DTNA: variants seen among roughly 807,000 people sequenced by gnomAD.
DTNA encodes dystrophin-related protein 3.
DTNA carries 43 observed loss-of-function variants against 100.7 expected under a neutral mutation model. The ratio of observed to expected loss-of-function variants is 0.43; its 90% CI spans 0.33 to 0.55. The LOEUF (loss-of-function observed/expected upper bound fraction) is 0.55, where lower values mean the gene tolerates loss of function less well. Among genes scored for constraint, DTNA ranks in the 20% least tolerant of loss-of-function variants. The pLI is 0.04. For missense variants in DTNA, 798 were observed against 953.9 expected, an observed-to-expected ratio of 0.84 and a Z score of 2.15; for synonymous variants, 349 against 347.9, an observed-to-expected ratio of 1.00 and a Z score of -0.04.
At chr18:34,794,579 TG>T (rs1226010320) in intron 4 of DTNA, among the ~76,000 whole-genome samples, 2 of 152,072 alleles carry the variant, frequency 1.3e-5, no homozygotes, top group Non-Finnish European at 2.9e-5. Flanking sequence ...AAGCGTGAAG[TG>T]GGAGGATCTT....
intron 1 of DTNA, among the ~76,000 whole-genome samples, chr18:34,691,211 T>A (rs2079710983): frequency 1.3e-5 from 2 of 152,242 alleles, no homozygotes; most frequent in Admixed American, 1.3e-4. Context: ...AGAAATTACT[T>A]CTTTTCTGTA....
chr18:34,751,575 C>T (rs903704418), intron 1 of DTNA, among the ~76,000 whole-genome samples: 1 of 152,208 alleles, frequency 6.6e-6, no homozygotes, highest in African/African-American at 2.4e-5. Context: ...ACTGCCTGTT[C>T]CCAAATGCAC....
intron 1 of DTNA, among the ~76,000 whole-genome samples, chr18:34,660,467 A>G (rs1372005101): frequency 1.3e-5 from 2 of 151,878 alleles, no homozygotes; most frequent in African/African-American, 4.8e-5. Flanking sequence ...ACTCTAAATT[A>G]TATTTCTTTG....
rs9964737 is a variant in DTNA at position 34,859,446 on chromosome 18, A to G, written c.1646+1048A>G. Among the ~76,000 whole-genome samples the G allele has an allele frequency of 7.0e-3, 1,067 of 152,290 alleles. 17 individuals carry two copies. The highest frequency in any genetic ancestry group is 0.024 in the African/African-American group (1,017 of 41,552). ...GAGGTTTCCCATTAGTTATTTGGGT[A>G]CACCCTGTGTAAATGAGGACTTGGC... On this transcript the variant is annotated intron_variant, in intron 16 of 22. Transcript: ENST00000444659.
At chr18:34,554,769 T>C (rs1268569788) in intron 1 of DTNA, among the ~76,000 whole-genome samples, 7,176 of 118,242 alleles carry the variant, frequency 0.061, 173 homozygotes, top group African/African-American at 0.1. Flanking sequence ...CTGCTGGATT[T>C]GTTTTGCCAG....
chr18:34,666,608 A>G (rs1385019092), intron 1 of DTNA, among the ~76,000 whole-genome samples: 1 of 152,228 alleles, frequency 6.6e-6, no homozygotes, highest in African/African-American at 2.4e-5. Context: ...ACAAGGTATA[A>G]GGAAGGGATC....
intron 1 of DTNA, among the ~76,000 whole-genome samples, chr18:34,609,729 G>A (rs976356132): frequency 6.6e-6 from 1 of 151,994 alleles, no homozygotes; most frequent in African/African-American, 2.4e-5. Context: ...ACTTGCCTGT[G>A]ATTTTGGACT....
At chr18:34,615,848 C>G (rs920972036) in intron 1 of DTNA, among the ~76,000 whole-genome samples, 20 of 152,126 alleles carry the variant, frequency 1.3e-4, no homozygotes, top group African/African-American at 4.3e-4. Context: ...ATGTTTGGTT[C>G]TCTTCTTGCA....
At chr18:34,862,308 G>C (rs1013390918) in intron 16 of DTNA, among the ~76,000 whole-genome samples, 1 of 151,838 alleles carries the variant, frequency 6.6e-6, no homozygotes, top group Non-Finnish European at 1.5e-5. Flanking sequence ...ATTCAGAAAA[G>C]AAGCAATTTT....
intron 17 of DTNA, among the ~76,000 whole-genome samples, chr18:34,865,202 G>A (rs76502898): frequency 0.013 from 2,045 of 152,236 alleles, 29 homozygotes; most frequent in African/African-American, 0.047. Flanking sequence ...GATGTCCCAC[G>A]GCCCCAACAC....
At chr18:34,720,594 GGT>G (rs1182945556) in intron 1 of DTNA, among the ~76,000 whole-genome samples, 3 of 152,190 alleles carry the variant, frequency 2.0e-5, no homozygotes, top group African/African-American at 7.2e-5. Context: ...CGTCTGCTTT[GGT>G]GGCTCCTATA....
At chr18:34,548,382 A>C (rs2045032784) in intron 1 of DTNA, among the ~76,000 whole-genome samples, 2 of 152,080 alleles carry the variant, frequency 1.3e-5, no homozygotes, top group South Asian at 4.1e-4. Context: ...GAGCCTAAAG[A>C]TTGACAGCTC....
chr18:34,598,024 T>C (rs2050998784), intron 1 of DTNA, among the ~76,000 whole-genome samples: 1 of 152,104 alleles, frequency 6.6e-6, no homozygotes, highest in Non-Finnish European at 1.5e-5. Flanking sequence ...TCAGAAGAAG[T>C]TTGTTTCTGA....
intron 1 of DTNA, among the ~76,000 whole-genome samples, chr18:34,609,245 CTTTT>C (rs71166019): frequency 7.6e-6 from 1 of 131,308 alleles, no homozygotes; most frequent in Admixed American, 7.7e-5. Flanking sequence ...TGCTTTAATT[CTTTT>C]TTTTTTTTTT....
chr18:34,837,028 A>C (rs2096165677), intron 11 of DTNA, among the ~76,000 whole-genome samples: 1 of 152,078 alleles, frequency 6.6e-6, no homozygotes, highest in Admixed American at 6.5e-5. Context: ...CTAATTTATA[A>C]ACCATTATAT....
chr18:34,683,617 C>G (rs904196257), intron 1 of DTNA: 2 of 152,082 alleles, frequency 1.3e-5, no homozygotes, highest in African/African-American at 2.4e-5. Context: ...AATTTAGAAT[C>G]CTTTCAGACA....
rs1235716696 is a variant in DTNA, at chr18:34,736,710, ATAT to A, written c.-1-19262_-1-19260del. 5.9e-5 allele frequency among the ~76,000 whole-genome samples: 9 copies of A among 152,326 alleles called. No individual in the cohort carries two copies. In the East Asian group the frequency reaches 1.7e-3, roughly 29 times the overall value. Reference sequence around the variant, plus strand: ...AAAATTGTGCATTAAAATAAACGTGATATTATGAACCTCCAAAAAGTGTTCATA... The same window carrying A: ...AAAATTGTGCATTAAAATAAACGTGATATGAACCTCCAAAAAGTGTTCATA... On this transcript the variant is annotated intron_variant, in intron 1 of 22. Coordinates refer to ENST00000444659, the MANE Select transcript of DTNA (RefSeq NM_001386795.1).
At chr18:34,664,390 A>G (rs2075618564) in intron 1 of DTNA, among the ~76,000 whole-genome samples, 2 of 152,190 alleles carry the variant, frequency 1.3e-5, no homozygotes, top group African/African-American at 2.4e-5. Context: ...TTATAGACCA[A>G]TTCTTTTAAG....
intron 1 of DTNA, among the ~76,000 whole-genome samples, chr18:34,697,267 A>G (rs1735676770): frequency 6.6e-6 from 1 of 152,204 alleles, no homozygotes; most frequent in Admixed American, 6.5e-5. Flanking sequence ...AACTTGCTCA[A>G]GGCCGTGCAG....
Sources: allele counts gnomAD v4.1 joint callset (sites outside exome capture counted in the v4.1 genomes callset), GRCh38; gene constraint gnomAD v4.1.1; transcripts MANE v1.5; gene names NCBI Gene and HGNC (gene_info 2026-07-23, HGNC 2026-07-21).